The following TMEM245 variants were observed in gnomAD, a reference collection of about 807,000 sequenced individuals.
TMEM245 encodes the protein protein CG-2.
TMEM245 carries 69 observed loss-of-function variants against 101.2 expected under a neutral mutation model. The observed-to-expected ratio is 0.68, with a 90% CI of 0.56 to 0.83. The LOEUF is 0.83. TMEM245 is among the 40% of genes least tolerant of loss of function. The pLI is 0.00. For missense variants in TMEM245, 1,075 were observed against 1,092.8 expected (o/e 0.98, Z 0.23); for synonymous variants, 537 against 449.8 (o/e 1.19, Z -2.45).
Position 109,055,172 on chromosome 9 carries a change from G to A in TMEM245, c.1854+2019C>T, listed in dbSNP as rs147080355. On this transcript the variant is annotated intron_variant, in intron 12 of 17. Coordinates refer to ENST00000374586, the MANE Select transcript of TMEM245 (RefSeq NM_032012.4). ...ATTCATCAATAACAGACACTTTTAA[G>A]TTCAACGACTACAGTCACAAAACAA... Among the ~76,000 whole-genome samples, 300 of 152,244 alleles carry A rather than the reference G, an allele frequency of 2.0e-3. 3 individuals are homozygous for A. Among genetic ancestry groups the A allele is most frequent in the African/African-American group, 6.6e-3 (275 of 41,548 alleles).
intron 5 of TMEM245, among the ~76,000 whole-genome samples, chr9:109,088,196 A>C (rs1242510466): frequency 6.6e-6 from 1 of 152,238 alleles, no homozygotes; most frequent in African/African-American, 2.4e-5. Context: ...TGGCCTTGCA[A>C]CCTAAAGGTT....
chr9:109,053,601 C>T (rs1302102639), intron 12 of TMEM245, among the ~76,000 whole-genome samples: 3 of 152,208 alleles, frequency 2.0e-5, no homozygotes, highest in South Asian at 2.1e-4. Flanking sequence ...TGGTCATGAA[C>T]GGTGGTCTCT....
chr9:109,033,046 G>A (rs1828011578), intron 17 of TMEM245, among the ~76,000 whole-genome samples: 1 of 152,054 alleles, frequency 6.6e-6, no homozygotes, highest in South Asian at 2.1e-4. Context: ...TGATCCACCT[G>A]CCTTGTTCTC....
At chr9:109,021,779 G>A (rs1827631046) in intron 17 of TMEM245, among the ~76,000 whole-genome samples, 2 of 151,988 alleles carry the variant, frequency 1.3e-5, no homozygotes, top group African/African-American at 4.8e-5. Flanking sequence ...GGCCAGCCTG[G>A]GCAACAAAAT....
At chr9:109,101,148 T>C (rs938688867) in intron 3 of TMEM245, among the ~76,000 whole-genome samples, 4 of 152,034 alleles carry the variant, frequency 2.6e-5, no homozygotes, top group African/African-American at 4.8e-5. Context: ...AATAAATAAA[T>C]AGAAGAGTAC....
At chr9:109,044,272 T>C (rs1038849233) in intron 14 of TMEM245, among the ~76,000 whole-genome samples, 1 of 152,180 alleles carries the variant, frequency 6.6e-6, no homozygotes, top group Non-Finnish European at 1.5e-5. Context: ...TTTAATCAGA[T>C]GACCTGCTTT....
At chr9:109,049,700 G>C (rs1044233653) in intron 14 of TMEM245, among the ~76,000 whole-genome samples, 7 of 152,040 alleles carry the variant, frequency 4.6e-5, no homozygotes, top group Non-Finnish European at 8.8e-5. Flanking sequence ...GGTGGTGCAC[G>C]CCTGTAATCC....
chr9:109,118,059 A>G (rs1830777077), intron 1 of TMEM245, among the ~76,000 whole-genome samples: 2 of 152,254 alleles, frequency 1.3e-5, no homozygotes, highest in African/African-American at 4.8e-5. Flanking sequence ...ATGAGTCATG[A>G]ACATTTATCT....
chr9:109,056,584 C>T (rs1364430155), intron 12 of TMEM245, among the ~76,000 whole-genome samples: 1 of 151,972 alleles, frequency 6.6e-6, no homozygotes, highest in Non-Finnish European at 1.5e-5. Context: ...CTACTGCACT[C>T]CAGCCTAGGC....
chr9:109,051,334 ACACACAT>A (rs1163430300), intron 12 of TMEM245, among the ~76,000 whole-genome samples: 1 of 151,680 alleles, frequency 6.6e-6, no homozygotes, highest in Non-Finnish European at 1.5e-5. Flanking sequence ...ACACACACAC[ACACACAT>A]CATTGTAGAT....
chr9:109,069,728 T>C (rs759951204), intron 9 of TMEM245, among the ~76,000 whole-genome samples: 1 of 152,182 alleles, frequency 6.6e-6, no homozygotes, highest in South Asian at 2.1e-4. Flanking sequence ...CCCTGGAGCA[T>C]ACAAACAAGG....
At position 109,086,077 on chromosome 9, in the gene TMEM245, G is replaced by A. The variant is rs1829826701; in HGVS notation, c.1321-57C>T. On this transcript the variant is annotated intron_variant, in intron 6 of 17. Coordinates refer to ENST00000374586, the MANE Select transcript of TMEM245 (RefSeq NM_032012.4). ...AGATAAGAACAGTGGAGTATCATTA[G>A]AGAATGCAACCATAGTATGAAAAGA... The A allele has an allele frequency of 3.9e-6, 6 of 1,558,114 alleles. No individual in the cohort carries two copies. In the South Asian group the frequency reaches 5.6e-5, roughly 14 times the overall value.
chr9:109,044,695 C>T (rs1828424291), intron 14 of TMEM245, among the ~76,000 whole-genome samples: 1 of 151,736 alleles, frequency 6.6e-6, no homozygotes, highest in African/African-American at 2.4e-5. Flanking sequence ...TGTTTCAATA[C>T]ATATAATGTA....
chr9:109,051,337 C>CAA (rs1564180337), intron 12 of TMEM245, among the ~76,000 whole-genome samples: 1 of 150,730 alleles, frequency 6.6e-6, no homozygotes, highest in Admixed American at 6.6e-5. Context: ...CACACACACA[C>CAA]ACATCATTGT....
At chr9:109,058,292 C>T (rs944693060) in intron 11 of TMEM245, among the ~76,000 whole-genome samples, 67 of 152,032 alleles carry the variant, frequency 4.4e-4, no homozygotes, top group Middle Eastern at 3.4e-3. Context: ...GCGTGAGCCA[C>T]CACGCCCAGC....
intron 12 of TMEM245, among the ~76,000 whole-genome samples, chr9:109,052,218 C>T (rs72607165): frequency 0.22 from 33,328 of 152,160 alleles, 4,463 homozygotes; most frequent in Admixed American, 0.3. Flanking sequence ...CAGAAAAACA[C>T]CTCCCATTAC....
At position 109,119,908 on chromosome 9, in the gene TMEM245, G is replaced by A. The variant is rs776257340; in HGVS notation, c.6C>T (p.Ala2=). Residue 2 remains alanine, a synonymous_variant, in exon 1 of 18, where the codon GCC becomes GCT. Coordinates refer to ENST00000374586, the MANE Select transcript of TMEM245 (RefSeq NM_032012.4). M[A]DGGGPKDAPS... ...GCGCGTCCTTAGGGCCGCCGCCGTC[G>A]GCCATCGTTCCTCCGCCACAGCCGC... The A allele has an allele frequency of 8.6e-6, 11 of 1,275,296 alleles. No homozygotes were observed. Among genetic ancestry groups the A allele is most frequent in the African/African-American group, 7.7e-5 (5 of 64,962 alleles). 79.0% of individuals were successfully genotyped at this position (1,275,296 alleles called of 1,614,324 possible).
At chr9:109,105,556 G>A (rs1391739205) in intron 3 of TMEM245, among the ~76,000 whole-genome samples, 2 of 152,172 alleles carry the variant, frequency 1.3e-5, no homozygotes, top group Non-Finnish European at 2.9e-5. Context: ...CAAGTTCATA[G>A]CAGCACTATT....
intron 4 of TMEM245, among the ~76,000 whole-genome samples, chr9:109,092,005 T>G (rs1262386737): frequency 6.6e-6 from 1 of 152,138 alleles, no homozygotes; most frequent in Non-Finnish European, 1.5e-5. Flanking sequence ...GTATCATACG[T>G]CAGAAAAAAA....
Sources: gnomAD v4.1 joint callset for allele counts (sites outside exome capture counted in the v4.1 genomes callset) on GRCh38, gnomAD v4.1.1 for gene constraint, MANE v1.5 for transcripts, NCBI Gene and HGNC (gene_info 2026-07-23, HGNC 2026-07-21) for gene names.